Variants in PDE4D observed in about 807,000 individuals in gnomAD.
PDE4D encodes the protein 3',5'-cyclic-AMP phosphodiesterase 4D.
In PDE4D, 24 loss-of-function variants were observed where a neutral mutation model predicts 87.4. That is an observed-to-expected ratio of 0.27 (90% confidence interval 0.20 to 0.39). The LOEUF is 0.39. Ranked by LOEUF, PDE4D falls within the 10% of genes least tolerant of loss-of-function variation. The pLI, the probability that PDE4D is intolerant of heterozygous loss-of-function variation, is 1.00. For synonymous variants in PDE4D, 384 were observed against 383.2 expected (o/e 1.00, Z -0.02); for missense variants, 714 against 1,041.0 (o/e 0.69, Z 4.32).
intron 2 of PDE4D, among the ~76,000 whole-genome samples, chr5:59,214,077 C>CACACACACA (rs914634790): frequency 4.3e-5 from 6 of 140,012 alleles, no homozygotes; most frequent in African/African-American, 1.6e-4. Context: ...CACACACACA[C>CACACACACA]AACCATTCTA....
chr5:59,261,060 G>T (rs1293405548), intron 1 of PDE4D, among the ~76,000 whole-genome samples: 1 of 151,824 alleles, frequency 6.6e-6, no homozygotes, highest in Non-Finnish European at 1.5e-5. Context: ...TAGTCCAGAT[G>T]TATGACTGGC....
At chr5:60,043,107 C>T (rs764751142) in intron 2 of PDE4D, among the ~76,000 whole-genome samples, 6 of 151,636 alleles carry the variant, frequency 4.0e-5, no homozygotes, top group Non-Finnish European at 8.8e-5. Flanking sequence ...TATAAACGAC[C>T]TGATGGAGCT....
In PDE4D at chr5:59,878,954, A is replaced by C. The variant is rs1349372643; in HGVS notation, c.455+14214T>G. 5.6e-5 allele frequency among the ~76,000 whole-genome samples: 7 copies of C among 125,318 alleles called. No homozygotes were observed. The East Asian group carries it at 1.8e-3, about 33-fold the overall frequency. The allele number at this position is 125,318 out of a possible 152,430, so 82.2% of individuals were successfully genotyped here. Reference sequence around the variant, plus strand: ...CGCTCTGTCGCCCAGGCTGGAATGCAGTGACGCGATCTCGGCTCACTGCAA... The same window carrying C: ...CGCTCTGTCGCCCAGGCTGGAATGCCGTGACGCGATCTCGGCTCACTGCAA... On this transcript the variant is annotated intron_variant, in intron 1 of 14. Transcript: ENST00000340635.
At chr5:59,029,436 A>T (rs1485538875) in intron 6 of PDE4D, among the ~76,000 whole-genome samples, 2 of 151,258 alleles carry the variant, frequency 1.3e-5, no homozygotes, top group African/African-American at 4.8e-5. Context: ...AAAAAAAAAA[A>T]ACTTAGGAGC....
At chr5:60,019,329 G>A (rs1765813208) in intron 2 of PDE4D, among the ~76,000 whole-genome samples, 1 of 152,284 alleles carries the variant, frequency 6.6e-6, no homozygotes, top group East Asian at 1.9e-4. Context: ...TGCTAAATGA[G>A]CACTGGCTTT....
At chr5:60,239,088 A>C (rs1047411410) in intron 1 of PDE4D, among the ~76,000 whole-genome samples, 1 of 152,234 alleles carries the variant, frequency 6.6e-6, no homozygotes, top group Non-Finnish European at 1.5e-5. Context: ...CTTCTAAAAA[A>C]CATAAAATCT....
chr5:59,335,892 A>C (rs1432632709), intron 1 of PDE4D, among the ~76,000 whole-genome samples: 2 of 152,220 alleles, frequency 1.3e-5, no homozygotes, highest in African/African-American at 2.4e-5. Context: ...TATGGCTTGG[A>C]AATTTTCCCA....
rs763127047 is a variant in PDE4D at position 60,072,726 on chromosome 5, G to A, written c.43-84009C>T. On this transcript the variant is annotated intron_variant, in intron 2 of 16. Coordinates refer to the PDE4D transcript ENST00000502484. ...GTCCAGTTTCAATCTCCTGCATATCGCTAGCCAGTTTTCTCAGCATCATTT... is the reference window on the plus strand; with the variant it reads ...GTCCAGTTTCAATCTCCTGCATATCACTAGCCAGTTTTCTCAGCATCATTT... Among the ~76,000 whole-genome samples, 11 of 152,084 alleles carry A rather than the reference G, an allele frequency of 7.2e-5. No homozygotes were observed. The East Asian group carries it at 1.4e-3, about 19-fold the overall frequency.
At chr5:59,413,183 C>T (rs567515990) in intron 1 of PDE4D, among the ~76,000 whole-genome samples, 6 of 151,912 alleles carry the variant, frequency 3.9e-5, no homozygotes, top group African/African-American at 9.6e-5. Context: ...GTTGGCTGGG[C>T]GCGGTGGCTC....
intron 1 of PDE4D, among the ~76,000 whole-genome samples, chr5:59,433,053 A>G (rs975894272): frequency 3.3e-5 from 5 of 152,064 alleles, no homozygotes; most frequent in African/African-American, 4.8e-5. Flanking sequence ...TAATTTGTAG[A>G]TTTTGCATAA....
At chr5:60,345,076 T>C (rs1425790135) in intron 1 of PDE4D, among the ~76,000 whole-genome samples, 1 of 152,116 alleles carries the variant, frequency 6.6e-6, no homozygotes, top group East Asian at 1.9e-4. Context: ...CACGTATATA[T>C]AGTTTTAGGT....
intron 1 of PDE4D, among the ~76,000 whole-genome samples, chr5:59,526,673 G>A (rs1813195102): frequency 6.6e-6 from 1 of 152,160 alleles, no homozygotes; most frequent in Non-Finnish European, 1.5e-5. Context: ...TCCCTGGCTA[G>A]AATGCAGTGG....
intron 1 of PDE4D, among the ~76,000 whole-genome samples, chr5:60,294,332 A>T (rs911138653): frequency 4.6e-5 from 7 of 152,154 alleles, no homozygotes; most frequent in Non-Finnish European, 7.4e-5. Context: ...TATTGATTAA[A>T]GTCCTTTGTC....
At chr5:59,244,959 G>T (rs1758553679) in intron 1 of PDE4D, among the ~76,000 whole-genome samples, 1 of 151,560 alleles carries the variant, frequency 6.6e-6, no homozygotes, top group Non-Finnish European at 1.5e-5. Flanking sequence ...ATATTTATTG[G>T]GAATTTTCTG....
intron 1 of PDE4D, among the ~76,000 whole-genome samples, chr5:59,889,308 T>C (rs1046119239): frequency 1.3e-5 from 2 of 151,640 alleles, no homozygotes; most frequent in Non-Finnish European, 2.9e-5. Context: ...TTATAGGTTT[T>C]AGCTCTTTTC....
rs557675969 is a variant in PDE4D at position 59,608,006 on chromosome 5, G to T, written c.455+285162C>A. ...CTGTAAGAACAATTAATGAAGAAAA[G>T]AAAATAAACCTCTCTACTTGTGCTC... On this transcript the variant is annotated intron_variant, in intron 1 of 14. Transcript: ENST00000340635. Among the ~76,000 whole-genome samples the T allele has an allele frequency of 2.6e-5, 4 of 152,144 alleles. No homozygotes were observed. In the East Asian group the frequency reaches 7.7e-4, roughly 29 times the overall value.
intron 1 of PDE4D, among the ~76,000 whole-genome samples, chr5:59,309,903 T>G (rs1181276778): frequency 6.6e-6 from 1 of 152,196 alleles, no homozygotes; most frequent in Non-Finnish European, 1.5e-5. Flanking sequence ...TTGCAGCTTC[T>G]CGGTAAGACC....
chr5:59,627,286 CT>C (rs1831006350), intron 1 of PDE4D, among the ~76,000 whole-genome samples: 1 of 152,124 alleles, frequency 6.6e-6, no homozygotes, highest in Non-Finnish European at 1.5e-5. Flanking sequence ...ACCATGTATT[CT>C]TTTCAGAAAA....
intron 1 of PDE4D, among the ~76,000 whole-genome samples, chr5:60,286,309 T>C (rs1752411749): frequency 6.6e-6 from 1 of 152,212 alleles, no homozygotes; most frequent in African/African-American, 2.4e-5. Flanking sequence ...GATACTTAAG[T>C]AATATTGTCT....
Sources: allele counts gnomAD v4.1 joint callset (sites outside exome capture counted in the v4.1 genomes callset), GRCh38; gene constraint gnomAD v4.1.1; transcripts MANE v1.5; gene names NCBI Gene and HGNC (gene_info 2026-07-23, HGNC 2026-07-21).